METTL16: variants seen among roughly 807,000 people sequenced by gnomAD.
The protein encoded by METTL16 is RNA N(6)-adenosine-methyltransferase METTL16.
In METTL16, 19 loss-of-function variants were observed where a neutral mutation model predicts 57.9. That is an observed-to-expected ratio of 0.33 (90% confidence interval 0.23 to 0.48). METTL16 has a LOEUF of 0.48. Ranked by LOEUF, METTL16 falls within the 20% of genes least tolerant of loss-of-function variation. The probability of loss-of-function intolerance (pLI) is 0.99; values close to 1 mark genes in which losing one functional copy is unlikely to be tolerated. For synonymous variants in METTL16, 246 were observed against 255.6 expected (o/e 0.96, Z 0.36); for missense variants, 434 against 691.5 (o/e 0.63, Z 4.18).
At chr17:2,505,083 A>G (rs1252747367) in intron 1 of METTL16, among the ~76,000 whole-genome samples, 1 of 152,212 alleles carries the variant, frequency 6.6e-6, no homozygotes, top group Non-Finnish European at 1.5e-5. Flanking sequence ...ATCAAGACAT[A>G]AACACTGAAA....
chr17:2,506,854 C>T (rs1052661235), intron 1 of METTL16, among the ~76,000 whole-genome samples: 2 of 150,998 alleles, frequency 1.3e-5, no homozygotes, highest in Admixed American at 6.6e-5. Context: ...CGTCTCTGCC[C>T]GGCCGCCCAT....
chr17:2,467,659 T>C (rs78949488), intron 5 of METTL16, 102 bp downstream of exon 5: 84 of 790,286 alleles, frequency 1.1e-4, no homozygotes, highest in East Asian at 2.5e-4. Context: ...AACTCCTGAC[T>C]TCATGATTCA....
chr17:2,507,072 G>A (rs1206241814), intron 1 of METTL16, among the ~76,000 whole-genome samples: 2 of 150,988 alleles, frequency 1.3e-5, no homozygotes, highest in African/African-American at 4.9e-5. Flanking sequence ...CCGGGAGGGA[G>A]GTGGGGGTCA....
At chr17:2,487,414 C>T (rs112212409) in intron 2 of METTL16, among the ~76,000 whole-genome samples, 30 of 152,272 alleles carry the variant, frequency 2.0e-4, no homozygotes, top group African/African-American at 6.0e-4. Context: ...AAGAGAGCTG[C>T]GGCGCAAGCT....
At chr17:2,441,955 C>T (rs1002081060) in intron 6 of METTL16, among the ~76,000 whole-genome samples, 1 of 152,098 alleles carries the variant, frequency 6.6e-6, no homozygotes, top group Non-Finnish European at 1.5e-5. Flanking sequence ...CCAGCATGAA[C>T]CTGTATTGTG....
chr17:2,484,116 C>T (rs1488424517), intron 2 of METTL16, among the ~76,000 whole-genome samples: 1 of 152,176 alleles, frequency 6.6e-6, no homozygotes, highest in African/African-American at 2.4e-5. Flanking sequence ...AACTTAGTAA[C>T]TTACTTATAA....
chr17:2,444,632 G>A (rs1012694787), intron 6 of METTL16, among the ~76,000 whole-genome samples: 13 of 151,424 alleles, frequency 8.6e-5, no homozygotes, highest in African/African-American at 1.7e-4. Flanking sequence ...ATATTCGCTC[G>A]CCACTCTCTC....
intron 8 of METTL16, 122 bp downstream of exon 8, chr17:2,437,987 C>A: frequency 1.4e-6 from 1 of 739,178 alleles, no homozygotes; most frequent in Admixed American, 2.0e-5. Flanking sequence ...CCTTTCCATT[C>A]TGACATAAGC....
chr17:2,448,253 C>A (rs2067030701), intron 6 of METTL16, among the ~76,000 whole-genome samples: 1 of 143,462 alleles, frequency 7.0e-6, no homozygotes, highest in African/African-American at 2.5e-5. Flanking sequence ...TGCCCAGCGG[C>A]TCATTGGGGA....
intron 6 of METTL16, among the ~76,000 whole-genome samples, chr17:2,443,489 C>CTTTTT (rs370199414): frequency 7.3e-6 from 1 of 136,956 alleles, no homozygotes; most frequent in African/African-American, 2.8e-5. Flanking sequence ...CATATCATTT[C>CTTTTT]TTTTTTTTTT....
At chr17:2,447,313 C>G (rs1211108955) in intron 6 of METTL16, among the ~76,000 whole-genome samples, 1 of 142,898 alleles carries the variant, frequency 7.0e-6, no homozygotes, top group Non-Finnish European at 1.5e-5. Context: ...CCGGCCGCCC[C>G]GTCTGAGAAG....
At chr17:2,491,782 G>C (rs1408837079) in intron 2 of METTL16, among the ~76,000 whole-genome samples, 1 of 148,808 alleles carries the variant, frequency 6.7e-6, no homozygotes, top group Non-Finnish European at 1.5e-5. Context: ...GGCTGAGGCA[G>C]GAGAATGGCA....
At chr17:2,441,399 A>G in intron 7 of METTL16, 91 bp downstream of exon 7, 1 of 856,512 alleles carries the variant, frequency 1.2e-6, no homozygotes, top group East Asian at 3.2e-5. Flanking sequence ...ACTTCACCAC[A>G]ATGCAATATA....
chr17:2,466,021 C>T (rs1475582561), intron 5 of METTL16, among the ~76,000 whole-genome samples: 1 of 151,868 alleles, frequency 6.6e-6, no homozygotes, highest in Non-Finnish European at 1.5e-5. Flanking sequence ...GGCGAAACCC[C>T]GTCTCTACTA....
At chr17:2,465,844 C>T (rs764638893) in intron 5 of METTL16, among the ~76,000 whole-genome samples, 18 of 148,826 alleles carry the variant, frequency 1.2e-4, no homozygotes, top group Admixed American at 1.1e-3. Flanking sequence ...CCAGCCTTGG[C>T]AACAGAACAA....
At chr17:2,492,814 T>C (rs1247505340) in intron 2 of METTL16, among the ~76,000 whole-genome samples, 3 of 147,298 alleles carry the variant, frequency 2.0e-5, no homozygotes, top group Non-Finnish European at 4.5e-5. Context: ...GGAGAATTGC[T>C]TGAACCCCAG....
intron 8 of METTL16, among the ~76,000 whole-genome samples, chr17:2,437,050 T>C (rs1020901360): frequency 6.6e-6 from 1 of 151,850 alleles, no homozygotes; most frequent in African/African-American, 2.4e-5. Context: ...ATACAAAAAT[T>C]TTTGTATTTT....
At chr17:2,492,614 G>A (rs554233196) in intron 2 of METTL16, among the ~76,000 whole-genome samples, 36 of 152,044 alleles carry the variant, frequency 2.4e-4, no homozygotes, top group Non-Finnish European at 3.8e-4. Context: ...AGCTAAGGCC[G>A]GCCACAGTGG....
chr17:2,461,245 T>C (rs1203839558), intron 6 of METTL16, among the ~76,000 whole-genome samples: 1 of 151,964 alleles, frequency 6.6e-6, no homozygotes, highest in African/African-American at 2.4e-5. Flanking sequence ...TAGTCCCAAC[T>C]ACTCAGGAAG....
Sources: gnomAD v4.1 joint callset for allele counts (sites outside exome capture counted in the v4.1 genomes callset) on GRCh38, gnomAD v4.1.1 for gene constraint, MANE v1.5 for transcripts, NCBI Gene and HGNC (gene_info 2026-07-23, HGNC 2026-07-21) for gene names.